The following IRAG2 variants were observed in gnomAD, a reference collection of about 807,000 sequenced individuals.
IRAG2 encodes inositol 1,4,5-triphosphate receptor associated 2, also known as lymphoid restricted membrane protein.
A neutral mutation model predicts 69.9 loss-of-function variants in IRAG2; 45 were observed. That is an observed-to-expected ratio of 0.64 (90% CI 0.51 to 0.83). The LOEUF is 0.83. Ranked by LOEUF, IRAG2 falls within the 40% of genes least tolerant of loss-of-function variation. The pLI is 0.00. For missense variants in IRAG2, 520 were observed against 587.0 expected, an observed-to-expected ratio of 0.89 and a Z score of 1.18; for synonymous variants, 193 against 202.4, an observed-to-expected ratio of 0.95 and a Z score of 0.40.
chr12:25,102,125 A>G, intron 16 of IRAG2, 73 bp from the exon 17 acceptor site: 1 of 1,181,340 alleles, frequency 8.5e-7, no homozygotes, highest in Admixed American at 1.8e-5. Flanking sequence ...TTACCTTTAA[A>G]GAATTAAGAC....
chr12:25,065,567 A>G (rs538055282), intron 4 of IRAG2, among the ~76,000 whole-genome samples: 3 of 152,352 alleles, frequency 2.0e-5, no homozygotes, highest in South Asian at 4.1e-4. Context: ...ATTGTTCTGT[A>G]AAAGACCCGA....
chr12:25,028,559 C>T (rs1274754888), intron 9 of IRAG2, among the ~76,000 whole-genome samples: 4 of 151,892 alleles, frequency 2.6e-5, no homozygotes, highest in African/African-American at 9.7e-5. Flanking sequence ...AGAAATTATA[C>T]CTTACAAAAA....
exon 1 of IRAG2, chr12:25,004,533 G>A (rs1944416248): frequency 2.4e-6 from 3 of 1,231,988 alleles, no homozygotes; most frequent in South Asian, 8.2e-5. Context: ...TGAGGAAAAT[G>A]ACTGCTGCTT....
chr12:25,024,423 A>T (rs1023507747), intron 8 of IRAG2, among the ~76,000 whole-genome samples: 1 of 152,240 alleles, frequency 6.6e-6, no homozygotes, highest in African/African-American at 2.4e-5. Context: ...GTAGCTTATA[A>T]ATGTTAGGAA....
chr12:25,091,610 AT>A (rs2140177148), intron 14 of IRAG2, among the ~76,000 whole-genome samples: 1 of 152,210 alleles, frequency 6.6e-6, no homozygotes, highest in South Asian at 2.1e-4. Flanking sequence ...AGTTCTTTTG[AT>A]TATATCTAGA....
intron 6 of IRAG2, among the ~76,000 whole-genome samples, chr12:25,018,786 T>C (rs1198184102): frequency 1.3e-5 from 2 of 152,234 alleles, no homozygotes; most frequent in African/African-American, 4.8e-5. Context: ...ACTCACATAA[T>C]GGACAGAAAG....
At chr12:25,086,985 C>CT (rs1947651139) in intron 10 of IRAG2, among the ~76,000 whole-genome samples, 1 of 151,984 alleles carries the variant, frequency 6.6e-6, no homozygotes, top group African/African-American at 2.4e-5. Flanking sequence ...ATCTTTGTCA[C>CT]AATTTCTCCA....
intron 17 of IRAG2, chr12:25,102,447 TACA>T (rs778738357): frequency 1.3e-5 from 7 of 552,828 alleles, no homozygotes; most frequent in Non-Finnish European, 1.9e-5. Flanking sequence ...AGAAAGTCAG[TACA>T]ACAATGGTTT....
At chr12:25,101,053 A>T (rs1238554801) in intron 15 of IRAG2, 125 bp from the exon 16 acceptor site, 2 of 759,284 alleles carry the variant, frequency 2.6e-6, no homozygotes, top group East Asian at 6.0e-5. Context: ...TCTTTTTAAA[A>T]AAAAAACATT....
chr12:25,091,658 A>ATAATTATG (rs1948074548), intron 14 of IRAG2, among the ~76,000 whole-genome samples: 2 of 151,962 alleles, frequency 1.3e-5, no homozygotes, highest in Admixed American at 1.3e-4. Flanking sequence ...TAGTAATTAT[A>ATAATTATG]TTTTTAATTT....
chr12:25,076,850 T>C (rs1176418375), intron 6 of IRAG2, among the ~76,000 whole-genome samples: 1 of 151,970 alleles, frequency 6.6e-6, no homozygotes, highest in Non-Finnish European at 1.5e-5. Context: ...CCTTTTTTTA[T>C]AGCTTCCTTT....
chr12:25,004,680 T>C (rs561797769), exon 1 of IRAG2: 1 of 1,232,148 alleles, frequency 8.1e-7, no homozygotes, highest in African/African-American at 1.5e-5. Flanking sequence ...ACTCTGTTAT[T>C]CTCACAAGTT....
chr12:25,021,755 T>TAGAGTCTCTA (rs1555126165), intron 7 of IRAG2, among the ~76,000 whole-genome samples: 1 of 152,252 alleles, frequency 6.6e-6, no homozygotes, highest in Non-Finnish European at 1.5e-5. Context: ...AAACTGTTTT[T>TAGAGTCTCTA]AGAGTCTCTA....
rs1944480147 is a variant in IRAG2, at chr12:25,012,143, C to CTTTTTTTTTTTTTTTT, written c.896+592_896+593insTTTTTTTTTTTTTTTT. Among the ~76,000 whole-genome samples the CTTTTTTTTTTTTTTTT allele has an allele frequency of 3.3e-4, 8 of 24,096 alleles. 4 individuals are homozygous for CTTTTTTTTTTTTTTTT. The highest frequency in any genetic ancestry group is 1.5e-4 in the African/African-American group (2 of 13,162). 15.8% of individuals were successfully genotyped at this position (24,096 alleles called of 152,430 possible). On this transcript the variant is annotated intron_variant, in intron 3 of 38. Coordinates refer to the IRAG2 transcript ENST00000636465. ...GTCTTCTTCCACAGAAAGCGAATTC[C>CTTTTTTTTTTTTTTTT]CTTTTTTTTTTTTTTTTTTTTTTTT...
At chr12:25,092,446 T>A (rs1342389495) in intron 14 of IRAG2, among the ~76,000 whole-genome samples, 11 of 150,456 alleles carry the variant, frequency 7.3e-5, no homozygotes, top group African/African-American at 2.5e-4. Flanking sequence ...ACACCTGTAA[T>A]CTCAGCTACT....
rs1350931154 is a variant in IRAG2, at chr12:25,108,093, T to TTTAAG, written c.*36_*40dup. On this transcript the variant is annotated 3_prime_UTR_variant, in exon 22 of 22. Coordinates refer to ENST00000556887, the MANE Select transcript of IRAG2 (RefSeq NM_001366544.2). The stretch of plus-strand genomic sequence containing the variant: ...ACATCCTAATATATGGATCTTGATT[T>TTTAAG]TTAAGTTTCAGTATCTGAACTTCGT... 4 of 1,599,556 alleles carry TTTAAG rather than the reference T, an allele frequency of 2.5e-6. No individual in the cohort carries two copies. Among genetic ancestry groups the TTTAAG allele is most frequent in the Admixed American group, 1.7e-5 (1 of 59,198 alleles).
At chr12:25,020,060 C>T (rs1944565719) in intron 6 of IRAG2, among the ~76,000 whole-genome samples, 1 of 152,172 alleles carries the variant, frequency 6.6e-6, no homozygotes, top group Non-Finnish European at 1.5e-5. Context: ...GGGACAGGTT[C>T]AGCACTCAAT....
At chr12:25,045,498 C>T (rs924685720) in intron 16 of IRAG2, among the ~76,000 whole-genome samples, 1 of 151,858 alleles carries the variant, frequency 6.6e-6, no homozygotes, top group African/African-American at 2.4e-5. Flanking sequence ...AAACCTTTAG[C>T]TAGACTGAGA....
At chr12:25,106,409 G>A (rs1949123467) in intron 20 of IRAG2, among the ~76,000 whole-genome samples, 1 of 130,086 alleles carries the variant, frequency 7.7e-6, no homozygotes, top group African/African-American at 2.8e-5. Flanking sequence ...TATAAACTTT[G>A]TATAAGCATA....
Sources: allele counts gnomAD v4.1 joint callset (sites outside exome capture counted in the v4.1 genomes callset), GRCh38; gene constraint gnomAD v4.1.1; transcripts MANE v1.5; gene names NCBI Gene and HGNC (gene_info 2026-07-23, HGNC 2026-07-21).